NRXN3: variants seen among roughly 807,000 people sequenced by gnomAD.
NRXN3 encodes the protein neurexin III.
NRXN3 carries 32 observed loss-of-function variants against 137.6 expected under a neutral mutation model. The observed-to-expected ratio is 0.23, with a 90% CI of 0.18 to 0.31. The LOEUF (loss-of-function observed/expected upper bound fraction) is 0.31. Ranked by LOEUF, NRXN3 falls within the 10% of genes least tolerant of loss-of-function variation. NRXN3 has a pLI of 1.00. For missense variants in NRXN3, 1,574 were observed against 2,062.5 expected (o/e 0.76, Z 4.59); for synonymous variants, 798 against 784.5 (o/e 1.02, Z -0.29).
intron 10 of NRXN3, among the ~76,000 whole-genome samples, chr14:78,933,365 A>G (rs1470429736): frequency 6.6e-6 from 1 of 152,234 alleles, no homozygotes; most frequent in Non-Finnish European, 1.5e-5. Context: ...GCAATTCTCC[A>G]TGAATTTTCT....
chr14:78,368,147 C>T (rs2086257527), intron 4 of NRXN3, among the ~76,000 whole-genome samples: 1 of 152,202 alleles, frequency 6.6e-6, no homozygotes, highest in Admixed American at 6.5e-5. Context: ...CTAAATTAGG[C>T]TGGCCTTCCT....
intron 16 of NRXN3, among the ~76,000 whole-genome samples, chr14:79,517,203 A>G (rs1248825206): frequency 6.6e-6 from 1 of 150,742 alleles, no homozygotes; most frequent in African/African-American, 2.4e-5. Flanking sequence ...ATTTCAGTGT[A>G]GTTTTATTTT....
chr14:79,248,743 C>T (rs2075548349), intron 15 of NRXN3: 1 of 152,182 alleles, frequency 6.6e-6, no homozygotes, highest in South Asian at 2.1e-4. Flanking sequence ...TTCACAAGAG[C>T]AAGTTCTAGT....
intron 16 of NRXN3, among the ~76,000 whole-genome samples, chr14:79,488,994 G>T (rs112672234): frequency 6.6e-6 from 1 of 151,980 alleles, no homozygotes; most frequent in South Asian, 2.1e-4. Flanking sequence ...GTACTTTAGG[G>T]TTATAATCTA....
intron 16 of NRXN3, among the ~76,000 whole-genome samples, chr14:79,507,826 A>G (rs181311138): frequency 6.6e-6 from 1 of 152,140 alleles, no homozygotes; most frequent in African/African-American, 2.4e-5. Context: ...GAAAATGGGC[A>G]GGGAGGCTTG....
intron 3 of NRXN3, 69 bp downstream of exon 3, chr14:78,278,731 T>C (rs968670622): frequency 7.6e-7 from 1 of 1,323,510 alleles, no homozygotes; most frequent in African/African-American, 1.5e-5. Context: ...GGTTTGAGTC[T>C]GAGTGAGACT....
At chr14:79,435,431 A>G (rs1317497476) in intron 15 of NRXN3, among the ~76,000 whole-genome samples, 1 of 152,122 alleles carries the variant, frequency 6.6e-6, no homozygotes, top group Non-Finnish European at 1.5e-5. Flanking sequence ...TTGGGACATG[A>G]AAGATGTTGT....
At chr14:79,042,029 C>T (rs1019330913) in intron 15 of NRXN3, among the ~76,000 whole-genome samples, 5 of 152,144 alleles carry the variant, frequency 3.3e-5, no homozygotes, top group Admixed American at 3.3e-4. Flanking sequence ...AGTGGAGAAA[C>T]AGATATGCCT....
intron 15 of NRXN3, among the ~76,000 whole-genome samples, chr14:79,293,375 G>A (rs1000277804): frequency 9.9e-5 from 15 of 152,134 alleles, no homozygotes; most frequent in African/African-American, 2.9e-4. Flanking sequence ...CATCAAATGC[G>A]AAACCTGCAA....
chr14:79,392,800 T>C lies in NRXN3; in HGVS notation c.3263-74421T>C, dbSNP rs184093371. On this transcript the variant is annotated intron_variant, in intron 15 of 20. Coordinates refer to ENST00000335750, the MANE Select transcript of NRXN3 (RefSeq NM_001330195.2). ...GCCTGGCTAACATGATGAAACCCTG[T>C]CTTTACTAAAAATACAAAAATTAGC... Among the ~76,000 whole-genome samples, 6 of 151,820 alleles carry C rather than the reference T, an allele frequency of 4.0e-5. No homozygotes were observed. In the East Asian group the frequency reaches 1.2e-3, roughly 29 times the overall value.
At chr14:78,551,319 A>G (rs975493840) in intron 4 of NRXN3, among the ~76,000 whole-genome samples, 1 of 151,968 alleles carries the variant, frequency 6.6e-6, no homozygotes, top group Admixed American at 6.6e-5. Context: ...ATATCTATGT[A>G]TGCTCTTTCT....
chr14:78,238,179 G>A (rs2066589887), intron 1 of NRXN3, among the ~76,000 whole-genome samples: 1 of 117,968 alleles, frequency 8.5e-6, no homozygotes, highest in African/African-American at 3.3e-5. Flanking sequence ...CTAAGCAGCC[G>A]GCTTATGAGA....
intron 15 of NRXN3, among the ~76,000 whole-genome samples, chr14:79,231,797 G>C (rs529133456): frequency 6.6e-6 from 1 of 152,238 alleles, no homozygotes; most frequent in African/African-American, 2.4e-5. Flanking sequence ...GCATAAGTCA[G>C]CAGCCTTTTG....
chr14:79,586,514 C>T (rs533967175), intron 16 of NRXN3, among the ~76,000 whole-genome samples: 1 of 152,180 alleles, frequency 6.6e-6, no homozygotes, highest in East Asian at 1.9e-4. Context: ...ATGGTATAGT[C>T]ATTCAGTTGC....
intron 15 of NRXN3, among the ~76,000 whole-genome samples, chr14:79,347,588 A>AT (rs2092960072): frequency 6.6e-6 from 1 of 151,882 alleles, no homozygotes. Context: ...CCCCTGGCTA[A>AT]TTTTTTGTAT....
At chr14:78,418,791 C>CT (rs931921844) in intron 4 of NRXN3, among the ~76,000 whole-genome samples, 8 of 152,154 alleles carry the variant, frequency 5.3e-5, no homozygotes, top group Admixed American at 1.3e-4. Context: ...CCATGCCAAG[C>CT]TTTTTACCTG....
intron 8 of NRXN3, among the ~76,000 whole-genome samples, chr14:78,784,587 G>C (rs550007748): frequency 6.6e-6 from 1 of 152,216 alleles, no homozygotes; most frequent in African/African-American, 2.4e-5. Context: ...CAGCCAAGGA[G>C]TATGAAGTTA....
intron 10 of NRXN3, among the ~76,000 whole-genome samples, chr14:78,890,803 A>C (rs2099156736): frequency 6.6e-6 from 1 of 151,872 alleles, no homozygotes; most frequent in Admixed American, 6.6e-5. Context: ...GGCATTCATA[A>C]TTTCAGTGTC....
intron 4 of NRXN3, among the ~76,000 whole-genome samples, chr14:78,349,946 C>CT (rs1388429441): frequency 1.3e-5 from 2 of 152,192 alleles, no homozygotes; most frequent in Admixed American, 6.5e-5. Flanking sequence ...AGCTCCAAAT[C>CT]TCCCTAGGGA....
Sources: gnomAD v4.1 joint callset for allele counts (sites outside exome capture counted in the v4.1 genomes callset) on GRCh38, gnomAD v4.1.1 for gene constraint, MANE v1.5 for transcripts, NCBI Gene and HGNC (gene_info 2026-07-23, HGNC 2026-07-21) for gene names.